CCDC13: variants seen among roughly 807,000 people sequenced by gnomAD.
The protein encoded by CCDC13 is coiled-coil domain containing 13.
A neutral mutation model predicts 87.3 loss-of-function variants in CCDC13; 70 were observed. That is an observed-to-expected ratio of 0.80 (90% CI 0.66 to 0.98). CCDC13 has a LOEUF of 0.98. CCDC13 is among the 50% of genes least tolerant of loss of function. The pLI, the probability that CCDC13 is intolerant of heterozygous loss-of-function variation, is 0.00. For synonymous variants in CCDC13, 317 were observed against 360.3 expected, an observed-to-expected ratio of 0.88 and a Z score of 1.36; for missense variants, 842 against 892.0, an observed-to-expected ratio of 0.94 and a Z score of 0.71.
chr3:42,704,384 C>G (rs1246210607), downstream of CCDC13: 1 of 152,236 alleles, frequency 6.6e-6, no homozygotes, highest in Non-Finnish European at 1.5e-5. Context: ...TTTACTTGAC[C>G]CTGAGCTGGT....
chr3:42,715,076 G>A (rs769498472), intron 13 of CCDC13, among the ~76,000 whole-genome samples: 4 of 151,720 alleles, frequency 2.6e-5, no homozygotes, highest in Non-Finnish European at 5.9e-5. Flanking sequence ...TGGATCACCT[G>A]AGGTCAGAAG....
intron 13 of CCDC13, among the ~76,000 whole-genome samples, chr3:42,724,600 GATTGCGATTCT>G (rs1429031767): frequency 6.6e-6 from 1 of 152,170 alleles, no homozygotes; most frequent in Non-Finnish European, 1.5e-5. Context: ...CAATGTATTT[GATTGCGATTCT>G]AATAGTTCTC....
intron 1 of CCDC13, among the ~76,000 whole-genome samples, chr3:42,759,937 G>A (rs555380317): frequency 3.3e-5 from 5 of 152,042 alleles, no homozygotes; most frequent in Admixed American, 6.6e-5. Context: ...TCCCAGTTGC[G>A]CCATCCTCGT....
chr3:42,757,459 G>A (rs762932581), intron 2 of CCDC13, among the ~76,000 whole-genome samples: 1 of 152,260 alleles, frequency 6.6e-6, no homozygotes, highest in Non-Finnish European at 1.5e-5. Context: ...AGGGCTGGGT[G>A]TGGTGGCTCA....
At chr3:42,736,040 C>T (rs758721919) in intron 9 of CCDC13, 127 bp from the exon 10 acceptor site, 34 of 826,628 alleles carry the variant, frequency 4.1e-5, no homozygotes, top group Non-Finnish European at 5.7e-5. Context: ...CCTGTTCCCT[C>T]GAGAGGCAGG....
At chr3:42,717,561 A>G (rs1698462083) in intron 13 of CCDC13, among the ~76,000 whole-genome samples, 2 of 152,228 alleles carry the variant, frequency 1.3e-5, no homozygotes, top group Admixed American at 1.3e-4. Context: ...ACGGTTGCAC[A>G]GTATTGTTAA....
chr3:42,743,929 ACT>A (rs1699313289), intron 7 of CCDC13, among the ~76,000 whole-genome samples: 2 of 152,050 alleles, frequency 1.3e-5, no homozygotes, highest in Non-Finnish European at 2.9e-5. Flanking sequence ...CGCACAGGTA[ACT>A]CTCTGAATCT....
chr3:42,747,514 C>A, intron 5 of CCDC13, 141 bp from the exon 6 acceptor site: 3 of 659,666 alleles, frequency 4.5e-6, no homozygotes, highest in East Asian at 5.2e-5. Context: ...CTCATAAACC[C>A]CTGTGAGGTA....
chr3:42,723,715 C>G (rs991757484), intron 13 of CCDC13, among the ~76,000 whole-genome samples: 2 of 152,058 alleles, frequency 1.3e-5, no homozygotes, highest in Non-Finnish European at 2.9e-5. Flanking sequence ...AAATCAGTAG[C>G]TATTCCTGAC....
chr3:42,713,126 CA>C (rs760924855), intron 14 of CCDC13, 35 bp downstream of exon 14: 2 of 1,601,688 alleles, frequency 1.2e-6, no homozygotes, highest in Admixed American at 3.4e-5. Flanking sequence ...ACACTGCCTC[CA>C]CCCCCTGCAC....
rs1698204051 is a variant in CCDC13 at position 42,707,471 on chromosome 3, TA to T, written c.*1508del. 6.6e-6 allele frequency among the ~76,000 whole-genome samples: 1 copy of T among 152,060 alleles called. No homozygotes were observed. The highest frequency in any genetic ancestry group is 2.4e-5 in the African/African-American group (1 of 41,416). On this transcript the variant is annotated 3_prime_UTR_variant, in exon 16 of 16. Transcript: ENST00000310232. ...GGCTCCCTGAGGAGTGGGGGCCAGC[TA>T]GGGTCCCTCCATAGCCCCATCCCCA...
rs1393753883 is a variant in CCDC13 at position 42,745,918 on chromosome 3, C to A, written c.825+5G>T. Reference sequence around the variant, plus strand: ...AGGCCAGGAGAAGTCTGATGACTCACTCACCTTGCTCTGCAAAACAAGAAT... The same window carrying A: ...AGGCCAGGAGAAGTCTGATGACTCAATCACCTTGCTCTGCAAAACAAGAAT... On this transcript the variant is annotated splice_donor_5th_base_variant and intron_variant, in intron 7 of 15. Transcript: ENST00000310232. 6.2e-7 allele frequency: 1 copy of A among 1,609,620 alleles called. No individual in the cohort carries two copies.
At chr3:42,709,331 T>C (rs1459127941) in intron 15 of CCDC13, among the ~76,000 whole-genome samples, 192 bp from the exon 16 acceptor site, 1 of 152,226 alleles carries the variant, frequency 6.6e-6, no homozygotes, top group Non-Finnish European at 1.5e-5. Flanking sequence ...CTCCCTGCAA[T>C]GTAAGCTACC....
intron 3 of CCDC13, among the ~76,000 whole-genome samples, chr3:42,754,605 G>C (rs947377340): frequency 2.0e-5 from 3 of 152,222 alleles, no homozygotes; most frequent in African/African-American, 7.2e-5. Context: ...GCCCTGGATA[G>C]GATGTGTGAA....
Position 42,706,362 on chromosome 3 carries a change from T to C in CCDC13, c.*2618A>G, listed in dbSNP as rs1332634389. 6.6e-6 allele frequency: 1 copy of C among 152,216 alleles called. No homozygotes were observed. The highest frequency in any genetic ancestry group is 6.5e-5 in the Admixed American group (1 of 15,288). 9.4% of individuals were successfully genotyped at this position (152,216 alleles called of 1,614,324 possible). On this transcript the variant is annotated 3_prime_UTR_variant, in exon 16 of 16. Transcript: ENST00000310232. ...TGGAGGGAACACTAAGAGCGAATAA[T>C]TATTAAGCGCTTACTGTGTGCGAGC...
chr3:42,771,052 GA>G (rs1349277880), intron 1 of CCDC13: 4 of 152,064 alleles, frequency 2.6e-5, no homozygotes, highest in African/African-American at 9.7e-5. Flanking sequence ...CCAAAAATGA[GA>G]AAAAAACAAG....
chr3:42,770,960 C>G (rs186844428), intron 1 of CCDC13: 4 of 152,138 alleles, frequency 2.6e-5, no homozygotes, highest in Non-Finnish European at 5.9e-5. Context: ...TAACACTCAC[C>G]GCGAGGGTCT....
In CCDC13 at chr3:42,710,818, A is replaced by AG. The variant is rs765309556; in HGVS notation, c.1874-1021dup. On this transcript the variant is annotated intron_variant, in intron 14 of 15. Transcript: ENST00000310232. ...GTTCTTCAGGGCCTTTCCTGGCTCC[A>AG]GGGGACACTGCTAAGCTGCCCTTGG... 1.8e-4 allele frequency among the ~76,000 whole-genome samples: 28 copies of AG among 152,304 alleles called. 1 individual carries two copies. Among genetic ancestry groups the AG allele is most frequent in the Non-Finnish European group, 2.4e-4 (16 of 68,032 alleles).
At position 42,739,747 on chromosome 3, in the gene CCDC13, C is replaced by T. The variant is rs1193931314; in HGVS notation, c.1051G>A (p.Gly351Ser). The T allele has an allele frequency of 6.2e-7, 1 of 1,614,158 alleles. No homozygotes were observed. ...ELEELKKKFE[G>S]MRSRNKLLSS... is the part of the protein sequence containing the mutation. Reference sequence around the variant, plus strand: ...AGCAGCTTGTTCCGAGACCTCATGCCCTCGAACTTCTTTTTTAGCTCTTCA... The same window carrying T: ...AGCAGCTTGTTCCGAGACCTCATGCTCTCGAACTTCTTTTTTAGCTCTTCA... The change falls in exon 9 of 16, where the codon GGC (glycine) becomes AGC (serine). Residue 351 changes from glycine (G) to serine (S), a missense_variant. Coordinates refer to ENST00000310232, the MANE Select transcript of CCDC13 (RefSeq NM_144719.4).
Sources: allele counts gnomAD v4.1 joint callset (sites outside exome capture counted in the v4.1 genomes callset), GRCh38; gene constraint gnomAD v4.1.1; transcripts MANE v1.5; gene names NCBI Gene and HGNC (gene_info 2026-07-23, HGNC 2026-07-21).